The following ANKFN1 variants were observed in gnomAD, a reference collection of about 807,000 sequenced individuals.
The protein encoded by ANKFN1 is ankyrin repeat and fibronectin type III domain containing 1.
In ANKFN1, 74 loss-of-function variants were observed where a neutral mutation model predicts 108.7. The observed-to-expected ratio is 0.68, with a 90% CI of 0.56 to 0.83. The LOEUF is 0.83. Ranked by LOEUF, ANKFN1 falls within the 40% of genes least tolerant of loss-of-function variation. The pLI, the probability that ANKFN1 is intolerant of heterozygous loss-of-function variation, is 0.00. For synonymous variants in ANKFN1, 547 were observed against 516.2 expected, an observed-to-expected ratio of 1.06 and a Z score of -0.81; for missense variants, 1,505 against 1,382.3, an observed-to-expected ratio of 1.09 and a Z score of -1.41.
intron 6 of ANKFN1, among the ~76,000 whole-genome samples, chr17:56,358,902 C>T (rs1034555260): frequency 3.3e-5 from 5 of 152,066 alleles, no homozygotes; most frequent in Non-Finnish European, 7.4e-5. Flanking sequence ...CTTTTTCTGA[C>T]TAACTCGTAT....
chr17:56,354,974 G>T (rs555141974), intron 6 of ANKFN1, among the ~76,000 whole-genome samples: 1 of 152,116 alleles, frequency 6.6e-6, no homozygotes, highest in African/African-American at 2.4e-5. Context: ...GCATCATATG[G>T]TAGTTCTATT....
At chr17:56,049,433 C>T (rs1904735927) in intron 4 of ANKFN1, among the ~76,000 whole-genome samples, 1 of 151,664 alleles carries the variant, frequency 6.6e-6, no homozygotes, top group African/African-American at 2.4e-5. Context: ...GGTACATGTG[C>T]ACATTGTGCA....
At chr17:56,153,722 G>A (rs572582468) in intron 1 of ANKFN1, 192 bp downstream of exon 1, 64 of 720,444 alleles carry the variant, frequency 8.9e-5, no homozygotes, top group Admixed American at 4.5e-4. Flanking sequence ...AGTAGTTTGG[G>A]TCTGTAATGT....
chr17:56,410,354 C>G (rs2144988549), intron 8 of ANKFN1, among the ~76,000 whole-genome samples: 1 of 152,266 alleles, frequency 6.6e-6, no homozygotes, highest in South Asian at 2.1e-4. Context: ...CTCGGCCTCC[C>G]AAAGTGCTGG....
intron 3 of ANKFN1, among the ~76,000 whole-genome samples, chr17:56,241,768 A>G (rs1917600060): frequency 6.6e-6 from 1 of 152,140 alleles, no homozygotes; most frequent in Admixed American, 6.6e-5. Context: ...ATATGCCACT[A>G]TCACTAGTCT....
intron 4 of ANKFN1, among the ~76,000 whole-genome samples, chr17:56,053,965 G>A (rs1185675324): frequency 3.3e-5 from 5 of 152,150 alleles, no homozygotes; most frequent in Non-Finnish European, 5.9e-5. Context: ...AGTAATGTAC[G>A]TTGTACCTAA....
intron 1 of ANKFN1, among the ~76,000 whole-genome samples, chr17:56,180,926 C>G (rs996106238): frequency 6.6e-6 from 1 of 152,184 alleles, no homozygotes; most frequent in African/African-American, 2.4e-5. Context: ...GTGCTGTTCT[C>G]TAAGCCACAC....
Position 56,349,346 on chromosome 17 carries a change from T to C in ANKFN1, c.189-1420T>C, listed in dbSNP as rs545748150. ...CCACCATAGCACACATTTACCTATG[T>C]AACAAACCTACACATCCTGCACATG... On this transcript the variant is annotated intron_variant, in intron 4 of 20. Coordinates refer to ENST00000682825, the MANE Select transcript of ANKFN1 (RefSeq NM_001370326.1). 2.0e-5 allele frequency among the ~76,000 whole-genome samples: 3 copies of C among 151,320 alleles called. No homozygotes were observed. In the South Asian group the frequency reaches 6.3e-4, roughly 32 times the overall value.
At chr17:56,421,770 C>T (rs1480723209) in intron 8 of ANKFN1, among the ~76,000 whole-genome samples, 2 of 152,164 alleles carry the variant, frequency 1.3e-5, no homozygotes, top group African/African-American at 4.8e-5. Context: ...ACGACCCAAT[C>T]AGTGAAATAC....
intron 8 of ANKFN1, among the ~76,000 whole-genome samples, chr17:56,421,336 C>G (rs2048399127): frequency 6.6e-6 from 1 of 152,124 alleles, no homozygotes; most frequent in South Asian, 2.1e-4. Context: ...TATGTCAGTT[C>G]TGGATGAAGG....
In ANKFN1 at chr17:56,170,769, ATT is replaced by A. The variant is rs1491337475; in HGVS notation, c.-71+17244_-71+17245del. Among the ~76,000 whole-genome samples, 332 of 52,494 alleles carry A rather than the reference ATT, an allele frequency of 6.3e-3. 5 individuals carry two copies. Among genetic ancestry groups the A allele is most frequent in the African/African-American group, 0.051 (307 of 6,078 alleles). 34.4% of individuals were successfully genotyped at this position (52,494 alleles called of 152,430 possible). ...CAGGGTGAGACTCTGTCAAGAAAAAATTTTTTATATATATATATATATATATA... is the reference window on the plus strand; with the variant it reads ...CAGGGTGAGACTCTGTCAAGAAAAAATTTTATATATATATATATATATATA... On this transcript the variant is annotated intron_variant, in intron 1 of 20. Transcript: ENST00000682825.
chr17:56,514,690 T>C lies in ANKFN1; in HGVS notation c.*3421T>C, dbSNP rs1302891781. Among the ~76,000 whole-genome samples, 2 of 152,220 alleles carry C rather than the reference T, an allele frequency of 1.3e-5. No individual in the cohort carries two copies. The highest frequency in any genetic ancestry group is 2.9e-5 in the Non-Finnish European group (2 of 68,038). On this transcript the variant is annotated 3_prime_UTR_variant, in exon 21 of 21. Coordinates refer to ENST00000682825, the MANE Select transcript of ANKFN1 (RefSeq NM_001370326.1). ...GCAATAATTACACTGGAGAAATTGTTTCATTTGGTTTGAAAATTGAAGCAA... is the reference window on the plus strand; with the variant it reads ...GCAATAATTACACTGGAGAAATTGTCTCATTTGGTTTGAAAATTGAAGCAA...
intron 4 of ANKFN1, among the ~76,000 whole-genome samples, chr17:56,124,591 C>A (rs1462204557): frequency 6.6e-6 from 1 of 152,126 alleles, no homozygotes; most frequent in Non-Finnish European, 1.5e-5. Flanking sequence ...TGTTCAGGAC[C>A]CCAGTCAAAT....
chr17:56,281,557 A>C (rs1425371348), intron 3 of ANKFN1, among the ~76,000 whole-genome samples: 1 of 152,216 alleles, frequency 6.6e-6, no homozygotes, highest in Non-Finnish European at 1.5e-5. Context: ...CCATTTAAAA[A>C]TATGTGAATA....
intron 4 of ANKFN1, among the ~76,000 whole-genome samples, chr17:56,062,022 T>A (rs113391051): frequency 2.6e-5 from 4 of 152,254 alleles, no homozygotes; most frequent in African/African-American, 9.6e-5. Context: ...TTATTCAATT[T>A]CCATGTAGTT....
chr17:56,366,940 G>T lies in ANKFN1; in HGVS notation c.602-5706G>T, dbSNP rs556381423. 3.9e-5 allele frequency among the ~76,000 whole-genome samples: 6 copies of T among 152,298 alleles called. No individual in the cohort carries two copies. In the South Asian group the frequency reaches 1.2e-3, roughly 32 times the overall value. On this transcript the variant is annotated intron_variant, in intron 6 of 20. Transcript: ENST00000682825. The stretch of plus-strand genomic sequence containing the variant: ...TCGGAGTTGTATGAAAATGGACAAG[G>T]TCATCTCAGTGAGTTCCCCTCATGT...
chr17:56,375,497 CTAGG>C (rs1247279509), intron 8 of ANKFN1, among the ~76,000 whole-genome samples: 1 of 152,040 alleles, frequency 6.6e-6, no homozygotes, highest in African/African-American at 2.4e-5. Context: ...GAAATTAAGG[CTAGG>C]GAGTTTAGAC....
intron 17 of ANKFN1, 46 bp downstream of exon 17, chr17:56,480,864 A>T: frequency 6.3e-7 from 1 of 1,587,242 alleles, no homozygotes; most frequent in Non-Finnish European, 8.6e-7. Flanking sequence ...TGGCTCATGG[A>T]AACTGCATTG....
At chr17:56,070,837 C>A (rs576913664) in intron 4 of ANKFN1, among the ~76,000 whole-genome samples, 2 of 151,756 alleles carry the variant, frequency 1.3e-5, no homozygotes, top group African/African-American at 4.8e-5. Flanking sequence ...CGTGTTCAAG[C>A]GATTCTCCTG....
Sources: gnomAD v4.1 joint callset for allele counts (sites outside exome capture counted in the v4.1 genomes callset) on GRCh38, gnomAD v4.1.1 for gene constraint, MANE v1.5 for transcripts, NCBI Gene and HGNC (gene_info 2026-07-23, HGNC 2026-07-21) for gene names.